TMEM260: variants seen among roughly 807,000 people sequenced by gnomAD.
TMEM260 encodes the protein transmembrane protein 260.
A neutral mutation model predicts 88.9 loss-of-function variants in TMEM260; 82 were observed. The ratio of observed to expected loss-of-function variants is 0.92; its 90% CI spans 0.77 to 1.11. The LOEUF (loss-of-function observed/expected upper bound fraction) is 1.11, where lower values mean the gene tolerates loss of function less well. Ranked by LOEUF, TMEM260 falls within the 50% of genes least tolerant of loss-of-function variation. The pLI is 0.00. For missense variants in TMEM260, 902 were observed against 853.4 expected (o/e 1.06, Z -0.71); for synonymous variants, 314 against 309.3 (o/e 1.02, Z -0.16).
At position 56,648,344 on chromosome 14, in the gene TMEM260, TAGTA is replaced by T. The variant is rs1263558122; in HGVS notation, c.*850_*853del. ...TTTATACATATTACTAAAGAGAACA[TAGTA>T]AGAAATGCAAATAATAGTTCTTTAT... On this transcript the variant is annotated 3_prime_UTR_variant, in exon 16 of 16. Transcript: ENST00000261556. The T allele has an allele frequency of 6.6e-6, 1 of 152,466 alleles. No individual in the cohort carries two copies. Among genetic ancestry groups the T allele is most frequent in the Non-Finnish European group, 1.5e-5 (1 of 68,008 alleles). The allele number at this position is 152,466 out of a possible 1,614,324, so 9.4% of individuals were successfully genotyped here.
intron 11 of TMEM260, 105 bp downstream of exon 11, chr14:56,621,807 C>T: frequency 1.1e-6 from 1 of 910,908 alleles, no homozygotes; most frequent in South Asian, 1.9e-5. Context: ...TTTTCATGAT[C>T]ACTGTTAGGT....
chr14:56,588,710 G>GTATT (rs59789833), intron 3 of TMEM260, among the ~76,000 whole-genome samples: 134,918 of 151,504 alleles, frequency 0.89, 60,257 homozygotes, highest in East Asian at 1. Flanking sequence ...GTTTCTGTAA[G>GTATT]TATTTATGTA....
At chr14:56,622,617 A>T (rs1340332227) in intron 11 of TMEM260, among the ~76,000 whole-genome samples, 1 of 152,010 alleles carries the variant, frequency 6.6e-6, no homozygotes, top group African/African-American at 2.4e-5. Flanking sequence ...TTTTTCATTG[A>T]AGAACTATTT....
chr14:56,579,694 G>A, upstream of TMEM260: 1 of 397,452 alleles, frequency 2.5e-6, no homozygotes, highest in Non-Finnish European at 4.4e-6. Flanking sequence ...GCCAATGCGT[G>A]GTGCACTGCG....
At chr14:56,646,408 C>G (rs1224588305) in intron 15 of TMEM260, among the ~76,000 whole-genome samples, 4 of 152,202 alleles carry the variant, frequency 2.6e-5, no homozygotes, top group Non-Finnish European at 4.4e-5. Context: ...GAATACAGCT[C>G]TAACTTGACA....
At chr14:56,584,975 A>G (rs1306108662) in intron 1 of TMEM260, 26 bp from the exon 2 acceptor site, 7 of 1,604,392 alleles carry the variant, frequency 4.4e-6, no homozygotes, top group Non-Finnish European at 6.0e-6. Flanking sequence ...AATAGTAATT[A>G]TTGGTTTTAC....
At chr14:56,597,886 A>G (rs911511329) in intron 3 of TMEM260, among the ~76,000 whole-genome samples, 1 of 152,226 alleles carries the variant, frequency 6.6e-6, no homozygotes, top group African/African-American at 2.4e-5. Flanking sequence ...TAGGTAGATA[A>G]TGAAAGTCAC....
chr14:56,659,682 T>G, the TMEM260 span, among the ~76,000 whole-genome samples: 2 of 152,248 alleles, frequency 1.3e-5, no homozygotes, highest in African/African-American at 2.4e-5. Context: ...CAGTCCGGGT[T>G]TCTCTCTTCA....
At chr14:56,586,950 T>A (rs1885545308) in intron 3 of TMEM260, among the ~76,000 whole-genome samples, 1 of 151,818 alleles carries the variant, frequency 6.6e-6, no homozygotes, top group African/African-American at 2.4e-5. Flanking sequence ...TTATTAAATT[T>A]GTTATTTTAG....
At chr14:56,599,721 AAAAC>A (rs1168849439) in intron 3 of TMEM260, among the ~76,000 whole-genome samples, 3 of 152,224 alleles carry the variant, frequency 2.0e-5, no homozygotes, top group African/African-American at 2.4e-5. Context: ...AGGGAAAACA[AAAAC>A]AAACAACCTC....
the TMEM260 span, among the ~76,000 whole-genome samples, chr14:56,662,740 C>T: frequency 2.0e-5 from 3 of 152,186 alleles, no homozygotes; most frequent in Non-Finnish European, 2.9e-5. Flanking sequence ...TCTGAATGGC[C>T]GAACTACGCT....
At chr14:56,604,676 TA>T (rs1032763377) in intron 4 of TMEM260, among the ~76,000 whole-genome samples, 3 of 152,268 alleles carry the variant, frequency 2.0e-5, no homozygotes, top group East Asian at 1.9e-4. Context: ...CTGATTATGT[TA>T]AAAAAATTAT....
intron 6 of TMEM260, 71 bp from the exon 7 acceptor site, chr14:56,612,174 T>A (rs1053495489): frequency 7.2e-7 from 1 of 1,393,562 alleles, no homozygotes; most frequent in Non-Finnish European, 1.0e-6. Context: ...TTTAAGATTA[T>A]TAAAATACAA....
chr14:56,595,270 C>G (rs935575717), intron 3 of TMEM260, among the ~76,000 whole-genome samples: 1 of 152,068 alleles, frequency 6.6e-6, no homozygotes, highest in African/African-American at 2.4e-5. Flanking sequence ...GGTAAAAAAG[C>G]CTTCTGCACG....
the TMEM260 span, among the ~76,000 whole-genome samples, chr14:56,658,447 A>G: frequency 2.6e-5 from 4 of 151,864 alleles, no homozygotes; most frequent in African/African-American, 9.7e-5. Context: ...GGGTTTCACC[A>G]TGTTAGCCAG....
At chr14:56,618,429 A>G (rs1201517092) in intron 9 of TMEM260, among the ~76,000 whole-genome samples, 165 bp from the exon 10 acceptor site, 1 of 152,200 alleles carries the variant, frequency 6.6e-6, no homozygotes, top group East Asian at 1.9e-4. Flanking sequence ...GAAAATAGAA[A>G]AATAAAATGA....
intron 10 of TMEM260, among the ~76,000 whole-genome samples, chr14:56,620,164 G>C (rs962229560): frequency 6.6e-6 from 1 of 152,060 alleles, no homozygotes; most frequent in Non-Finnish European, 1.5e-5. Context: ...GGAGGGAGAG[G>C]ATCAGAAAAA....
chr14:56,630,158 C>G (rs1594873444), intron 12 of TMEM260, among the ~76,000 whole-genome samples: 1 of 151,328 alleles, frequency 6.6e-6, no homozygotes, highest in Admixed American at 6.6e-5. Flanking sequence ...TATTGTTTTT[C>G]TCTGGCCATT....
intron 3 of TMEM260, among the ~76,000 whole-genome samples, chr14:56,600,567 A>G (rs1260753282): frequency 6.6e-6 from 1 of 152,216 alleles, no homozygotes; most frequent in East Asian, 1.9e-4. Context: ...TGGCCAATAA[A>G]CACAGAAAAA....
Sources: gnomAD v4.1 joint callset for allele counts (sites outside exome capture counted in the v4.1 genomes callset) on GRCh38, gnomAD v4.1.1 for gene constraint, MANE v1.5 for transcripts, NCBI Gene and HGNC (gene_info 2026-07-23, HGNC 2026-07-21) for gene names.